The following GREB1L variants were observed in gnomAD, a reference collection of about 807,000 sequenced individuals.
GREB1L encodes the protein GREB1-like protein.
In GREB1L, 17 loss-of-function variants were observed where a neutral mutation model predicts 200.8. The ratio of observed to expected loss-of-function variants is 0.08; its 90% CI spans 0.06 to 0.13. The LOEUF (loss-of-function observed/expected upper bound fraction) is 0.13, where lower values mean the gene tolerates loss of function less well. GREB1L is among the 10% of genes least tolerant of loss of function. GREB1L has a pLI of 1.00. For missense variants in GREB1L, 1,657 were observed against 2,367.7 expected (o/e 0.70, Z 6.23); for synonymous variants, 789 against 893.0 (o/e 0.88, Z 2.08).
intron 1 of GREB1L, among the ~76,000 whole-genome samples, chr18:21,258,927 G>A (rs867723111): frequency 3.3e-5 from 5 of 152,142 alleles, no homozygotes; most frequent in Non-Finnish European, 7.4e-5. Flanking sequence ...TAGAGCCATG[G>A]AATTGATAGT....
intron 15 of GREB1L, among the ~76,000 whole-genome samples, chr18:21,466,835 T>TC (rs538123824): frequency 1.4e-3 from 218 of 152,172 alleles, no homozygotes; most frequent in African/African-American, 5.0e-3. Flanking sequence ...GACTCTCACT[T>TC]CCCCATTTTA....
intron 15 of GREB1L, among the ~76,000 whole-genome samples, chr18:21,461,168 A>T (rs1472965479): frequency 6.6e-6 from 1 of 151,962 alleles, no homozygotes; most frequent in Non-Finnish European, 1.5e-5. Flanking sequence ...AACTGTGTAT[A>T]CACCTGTCCC....
At chr18:21,491,273 C>T (rs988813818) in intron 19 of GREB1L, among the ~76,000 whole-genome samples, 2 of 152,182 alleles carry the variant, frequency 1.3e-5, no homozygotes, top group Non-Finnish European at 2.9e-5. Context: ...TCTGGTTCAG[C>T]ACAAATTTTA....
chr18:21,489,964 C>G, intron 18 of GREB1L, 48 bp from the exon 19 acceptor site: 1 of 1,408,816 alleles, frequency 7.1e-7, no homozygotes. Context: ...CTTGCTGCTC[C>G]CAGCTGGCCC....
chr18:21,330,985 T>G (rs180716313), intron 1 of GREB1L, among the ~76,000 whole-genome samples: 1 of 152,364 alleles, frequency 6.6e-6, no homozygotes, highest in East Asian at 1.9e-4. Flanking sequence ...CACTTTCTAA[T>G]ATACATATAC....
At chr18:21,376,662 G>A (rs1224339558) in intron 2 of GREB1L, among the ~76,000 whole-genome samples, 4 of 151,212 alleles carry the variant, frequency 2.6e-5, no homozygotes, top group African/African-American at 4.8e-5. Flanking sequence ...AAAATTAGCC[G>A]GGCATGGTGG....
Position 21,307,165 on chromosome 18 carries a change from T to C in GREB1L, c.-119-58862T>C, listed in dbSNP as rs555584293. ...ACGGTAGCAATTTTTCCTTTAGGAG[T>C]TTTGAGCCCCTTTCCTTCCCCTGTT... is the stretch of plus-strand genomic sequence containing the variant. On this transcript the variant is annotated intron_variant, in intron 1 of 32. Transcript: ENST00000424526. 3.3e-5 allele frequency among the ~76,000 whole-genome samples: 5 copies of C among 152,286 alleles called. No individual in the cohort carries two copies. The South Asian group carries it at 1.0e-3, about 32-fold the overall frequency.
intron 25 of GREB1L, among the ~76,000 whole-genome samples, chr18:21,507,404 A>G (rs909136896): frequency 6.6e-6 from 1 of 152,164 alleles, no homozygotes; most frequent in East Asian, 1.9e-4. Context: ...CCATTGGGAA[A>G]CCTACTTCGA....
chr18:21,367,076 G>T (rs1245498543), intron 2 of GREB1L, among the ~76,000 whole-genome samples: 3 of 152,178 alleles, frequency 2.0e-5, no homozygotes, highest in African/African-American at 7.2e-5. Flanking sequence ...CTGGAGTTAG[G>T]CTGCAACAAT....
chr18:21,452,992 T>C (rs1318103051), intron 14 of GREB1L, among the ~76,000 whole-genome samples: 1 of 152,214 alleles, frequency 6.6e-6, no homozygotes, highest in African/African-American at 2.4e-5. Flanking sequence ...AATGCAAATA[T>C]AGGCAGTAAA....
chr18:21,490,145 G>T lies in GREB1L; in HGVS notation c.2824G>T (p.Asp942Tyr), dbSNP rs2036275005. 4 of 1,551,764 alleles carry T rather than the reference G, an allele frequency of 2.6e-6. No homozygotes were observed. The highest frequency in any genetic ancestry group is 1.2e-5 in the South Asian group (1 of 84,040). The change falls in exon 19 of 33, where the codon GAC becomes TAC. Residue 942 changes from aspartate (D) to tyrosine (Y), a missense_variant. This residue lies in a region of GREB1L where 82 missense variants were observed against 95.9 expected (regional missense o/e 0.85). Transcript: ENST00000424526. ...ACCAGAAACACTCAGCATTATGGAT[G>T]ACCTCATCAGCTCCCCAGGCAAAAA... ...STPETLSIMD[D>Y]LISSPGKNKS...
At chr18:21,395,676 A>T in intron 5 of GREB1L, 115 bp downstream of exon 5, 1 of 723,918 alleles carries the variant, frequency 1.4e-6, no homozygotes, top group Non-Finnish European at 2.2e-6. Context: ...TGGGGATTAT[A>T]TAGTTTAGTT....
intron 7 of GREB1L, among the ~76,000 whole-genome samples, chr18:21,427,119 T>A (rs1378171453): frequency 6.6e-6 from 1 of 152,124 alleles, no homozygotes; most frequent in Non-Finnish European, 1.5e-5. Flanking sequence ...TTTACAATAG[T>A]TTGAGTAGTA....
rs542898541 is a variant in GREB1L, at chr18:21,479,756, C to T, written c.2556+2400C>T. 6.6e-5 allele frequency among the ~76,000 whole-genome samples: 10 copies of T among 152,000 alleles called. No individual in the cohort carries two copies. In the South Asian group the frequency reaches 1.2e-3, roughly 19 times the overall value. On this transcript the variant is annotated intron_variant, in intron 17 of 32. Transcript: ENST00000424526. ...ATGGTATTACAGTTATTTATTTTTA[C>T]GTTTTTTTGAGTCAGGGTCTGACGC...
At chr18:21,490,673 T>C (rs1028107296) in intron 19 of GREB1L, among the ~76,000 whole-genome samples, 3 of 152,244 alleles carry the variant, frequency 2.0e-5, no homozygotes, top group African/African-American at 7.2e-5. Flanking sequence ...TGGCCATCTG[T>C]TTTCTGAGAA....
At chr18:21,468,971 A>G (rs2035375589) in intron 15 of GREB1L, 1 of 316,762 alleles carries the variant, frequency 3.2e-6, no homozygotes, top group Non-Finnish European at 6.3e-6. Flanking sequence ...TTGATGTTTT[A>G]TTATTGGTGA....
chr18:21,435,072 G>A (rs1299210078), intron 7 of GREB1L: 1 of 152,634 alleles, frequency 6.6e-6, no homozygotes, highest in Non-Finnish European at 1.5e-5. Flanking sequence ...GACTTTTGCT[G>A]CAGGTGATGT....
At chr18:21,356,203 G>A (rs1223536936) in intron 1 of GREB1L, among the ~76,000 whole-genome samples, 1 of 150,738 alleles carries the variant, frequency 6.6e-6, no homozygotes, top group Non-Finnish European at 1.5e-5. Flanking sequence ...GGCTGGTCTC[G>A]AACTCCTGAC....
chr18:21,387,705 A>T (rs906484158), intron 4 of GREB1L: 2 of 152,182 alleles, frequency 1.3e-5, no homozygotes, highest in Non-Finnish European at 2.9e-5. Flanking sequence ...TTTAACTGAG[A>T]TTTAATATTT....
Sources: allele counts gnomAD v4.1 joint callset (sites outside exome capture counted in the v4.1 genomes callset), GRCh38; gene constraint gnomAD v4.1.1; regional missense constraint gnomAD v4.1.1; transcripts MANE v1.5; gene names NCBI Gene and HGNC (gene_info 2026-07-23, HGNC 2026-07-21).